The following COL1A2 variants were observed in gnomAD, a reference collection of about 807,000 sequenced individuals.
The protein encoded by COL1A2 is collagen alpha-2(I) chain.
A neutral mutation model predicts 174.3 loss-of-function variants in COL1A2; 49 were observed. The ratio of observed to expected loss-of-function variants is 0.28; its 90% CI spans 0.22 to 0.36. COL1A2 has a LOEUF of 0.36. Among genes scored for constraint, COL1A2 ranks in the 10% least tolerant of loss-of-function variants. COL1A2 has a pLI of 1.00. For synonymous variants in COL1A2, 655 were observed against 606.6 expected (o/e 1.08, Z -1.17); for missense variants, 1,438 against 1,822.7 (o/e 0.79, Z 3.84).
At position 94,404,740 on chromosome 7, in the gene COL1A2, T is replaced by G. The variant is rs530944722; in HGVS notation, c.372T>G (p.Gly124=). Reference sequence around the variant, plus strand: ...CTGCTGGTGAGCCTGGTGAACCTGGTCAAACTGTGAGTACATTTTTCCACC... The same window carrying G: ...CTGCTGGTGAGCCTGGTGAACCTGGGCAAACTGTGAGTACATTTTTCCACC... ...QGPAGEPGEP[G]QTGPAGARGP... The change falls in exon 8 of 52, where the codon GGT becomes GGG. Residue 124 remains glycine, a synonymous_variant. Transcript: ENST00000297268. 1.2e-6 allele frequency: 2 copies of G among 1,614,080 alleles called. No individual in the cohort carries two copies. Among genetic ancestry groups the G allele is most frequent in the Non-Finnish European group, 1.7e-6 (2 of 1,180,030 alleles).
chr7:94,407,343 C>CACTACTACTACTACTACT (rs139122565), intron 12 of COL1A2, among the ~76,000 whole-genome samples: 114 of 149,366 alleles, frequency 7.6e-4, no homozygotes, highest in African/African-American at 2.9e-3. Context: ...TATTAAATCC[C>CACTACTACTACTACTACT]ACTACTACTA....
At chr7:94,415,185 T>A (rs761396432) in intron 29 of COL1A2, 41 bp from the exon 30 acceptor site, 2 of 1,582,374 alleles carry the variant, frequency 1.3e-6, no homozygotes, top group Middle Eastern at 3.3e-4. Context: ...AATTTAGAGA[T>A]CACACACAGA....
intron 6 of COL1A2, among the ~76,000 whole-genome samples, chr7:94,401,885 G>A (rs192408229): frequency 7.9e-4 from 120 of 152,034 alleles, no homozygotes; most frequent in African/African-American, 2.8e-3. Context: ...ATATACTTAT[G>A]TCCAAGAAAT....
At position 94,401,544 on chromosome 7, in the gene COL1A2, A is replaced by AT. The variant is rs199593359; in HGVS notation, c.226-11dup. On this transcript the variant is annotated intron_variant, in intron 5 of 51. Coordinates refer to ENST00000297268, the MANE Select transcript of COL1A2 (RefSeq NM_000089.4). ...TAAAAATATTTTATATATATATATA[A>AT]TTTTTTTTTTTTACTTCTCTAGAAC... 0.068 allele frequency: 61,589 copies of AT among 903,284 alleles called. 3,043 individuals are homozygous for AT. Among genetic ancestry groups the AT allele is most frequent in the African/African-American group, 0.31 (17,786 of 56,970 alleles). 56.0% of individuals were successfully genotyped at this position (903,284 alleles called of 1,614,324 possible).
chr7:94,419,549 C>G lies in COL1A2; in HGVS notation c.2077C>G (p.Arg693Gly). 2 of 1,613,960 alleles carry G rather than the reference C, an allele frequency of 1.2e-6. No homozygotes were observed. Among genetic ancestry groups the G allele is most frequent in the East Asian group, 2.2e-5 (1 of 44,884 alleles). ...APGPAGATGD[R>G]GEAGAAGPAG... ...TGGTCCTGCTGGAGCCACAGGTGAC[C>G]GGGTAAGCATGCATTTTCACTAAGC... Residue 693 changes from arginine (R) to glycine (G), a missense_variant and splice_region_variant, in exon 34 of 52, where the codon CGG (arginine) becomes GGG (glycine). By Grantham distance (125) the Arg-to-Gly change is moderately radical. Transcript: ENST00000297268.
chr7:94,427,875 G>A lies in COL1A2; in HGVS notation c.3516G>A (p.Glu1172=). Residue 1172 remains glutamate (E), a synonymous_variant, in exon 49 of 52, where the codon GAG becomes GAA. Coordinates refer to ENST00000297268, the MANE Select transcript of COL1A2 (RefSeq NM_000089.4). ...GTGACTTGAGACTCAGCCACCCAGA[G>A]TGGAGCAGTGGTAGGTCAAGATGTC... ...TCRDLRLSHP[E]WSSGYYWIDP... The A allele has an allele frequency of 1.2e-6, 2 of 1,614,140 alleles. No individual in the cohort carries two copies. Among genetic ancestry groups the A allele is most frequent in the Non-Finnish European group, 1.7e-6 (2 of 1,180,022 alleles).
intron 6 of COL1A2, 30 bp downstream of exon 6, chr7:94,401,650 A>T: frequency 6.5e-7 from 1 of 1,531,532 alleles, no homozygotes; most frequent in Non-Finnish European, 9.0e-7. Context: ...TTAGCCAAAA[A>T]AATTGCTAAA....
chr7:94,397,784 T>G (rs1562896930), intron 2 of COL1A2, 26 bp downstream of exon 2: 2 of 1,267,644 alleles, frequency 1.6e-6, no homozygotes, highest in South Asian at 1.3e-5. Context: ...TTTAGAATTT[T>G]TAAAAATACT....
At chr7:94,398,794 A>G (rs1252023268) in intron 3 of COL1A2, among the ~76,000 whole-genome samples, 1 of 152,130 alleles carries the variant, frequency 6.6e-6, no homozygotes, top group Non-Finnish European at 1.5e-5. Context: ...CTTATTCAAA[A>G]TGCTATGCAT....
rs1363689462 is a variant in COL1A2, at chr7:94,399,070, C to A, written c.118C>A (p.Pro40Thr). ...GTAGGGCCCAGCCGGAGATAGAGGA[C>A]CACGTGGAGAAAGGGTGTGTAATTT... is the stretch of plus-strand genomic sequence containing the variant. Reference protein sequence around the residue: ...VRKGPAGDRGPRGERGPPGPP... With the variant: ...VRKGPAGDRGTRGERGPPGPP... The change falls in exon 4 of 52, where the codon CCA becomes ACA. Residue 40 changes from proline (P) to threonine (T), a missense_variant. By Grantham distance (38) the Pro-to-Thr change is conservative. Coordinates refer to ENST00000297268, the MANE Select transcript of COL1A2 (RefSeq NM_000089.4). 2.2e-5 allele frequency: 35 copies of A among 1,613,504 alleles called. No individual in the cohort carries two copies. Among genetic ancestry groups the A allele is most frequent in the Non-Finnish European group, 2.9e-5 (34 of 1,179,652 alleles).
intron 40 of COL1A2, 49 bp from the exon 41 acceptor site, chr7:94,424,287 T>C: frequency 6.6e-7 from 1 of 1,506,924 alleles, no homozygotes; most frequent in Non-Finnish European, 9.2e-7. Flanking sequence ...CAACCTGTGT[T>C]ATCACCTAGG....
Position 94,428,306 on chromosome 7 carries a change from T to C in COL1A2, c.3540T>C (p.Ile1180=). The C allele has an allele frequency of 6.2e-7, 1 of 1,613,752 alleles. No individual in the cohort carries two copies. The highest frequency in any genetic ancestry group is 8.5e-7 in the Non-Finnish European group (1 of 1,179,654). ...HPEWSSGYYW[I]DPNQGCTMDA... is the part of the protein sequence containing the mutation. ...TTTTCTTAAAAGGTTACTACTGGATTGACCCTAACCAAGGATGCACTATGG... is the reference window on the plus strand; with the variant it reads ...TTTTCTTAAAAGGTTACTACTGGATCGACCCTAACCAAGGATGCACTATGG... Residue 1180 remains isoleucine, a synonymous_variant, in exon 50 of 52, where the codon ATT becomes ATC. Transcript: ENST00000297268.
intron 19 of COL1A2, 106 bp from the exon 20 acceptor site, chr7:94,410,136 C>T (rs1048806216): frequency 7.0e-5 from 80 of 1,138,988 alleles, no homozygotes; most frequent in Non-Finnish European, 1.0e-4. Flanking sequence ...TCCTAGAGAA[C>T]TTGAGCTTCT....
In COL1A2 at chr7:94,414,221, G is replaced by T; in HGVS notation, c.1666-1G>T. 1 of 1,613,462 alleles carries T rather than the reference G, an allele frequency of 6.2e-7. No individual in the cohort carries two copies. Among genetic ancestry groups the T allele is most frequent in the South Asian group, 1.1e-5 (1 of 91,044 alleles). Reference sequence around the variant, plus strand: ...AGATTTGTATTTCTTTTCATTTTTAGGGTCTGCCTGGCCCCTCAGGTCCCG... The same window carrying T: ...AGATTTGTATTTCTTTTCATTTTTATGGTCTGCCTGGCCCCTCAGGTCCCG... On this transcript the variant is annotated splice_acceptor_variant, in intron 28 of 51. Coordinates refer to ENST00000297268, the MANE Select transcript of COL1A2 (RefSeq NM_000089.4). LOFTEE classifies it high-confidence loss of function.
At chr7:94,420,487 T>C (rs1562905197) in intron 36 of COL1A2, 43 bp downstream of exon 36, 1 of 1,614,006 alleles carries the variant, frequency 6.2e-7, no homozygotes, top group South Asian at 1.1e-5. Context: ...ACATCCTAAG[T>C]TGGGGAGTAG....
At chr7:94,427,549 A>G in intron 48 of COL1A2, 78 bp from the exon 49 acceptor site, 1 of 1,525,006 alleles carries the variant, frequency 6.6e-7, no homozygotes, top group Non-Finnish European at 9.1e-7. Context: ...GTGAAGCTCA[A>G]CTGAAAATCT....
Position 94,405,746 on chromosome 7 carries a change from A to T in COL1A2, c.540+20A>T. 1 of 1,604,040 alleles carries T rather than the reference A, an allele frequency of 6.2e-7. No homozygotes were observed. Among genetic ancestry groups the T allele is most frequent in the Non-Finnish European group, 8.5e-7 (1 of 1,170,828 alleles). ...ATTAGGGTGAGCACATTCTTTACTCAGAAGAGAGAAAATGCCTATTAATTT... is the reference window on the plus strand; with the variant it reads ...ATTAGGGTGAGCACATTCTTTACTCTGAAGAGAGAAAATGCCTATTAATTT... On this transcript the variant is annotated intron_variant, in intron 11 of 51. Transcript: ENST00000297268.
intron 1 of COL1A2, among the ~76,000 whole-genome samples, chr7:94,396,965 C>A (rs1484679091): frequency 1.3e-5 from 2 of 152,212 alleles, no homozygotes; most frequent in Admixed American, 6.5e-5. Context: ...GGACTTATAA[C>A]AATTATGGCA....
chr7:94,418,172 G>A (rs1792080710), intron 32 of COL1A2, among the ~76,000 whole-genome samples: 1 of 152,184 alleles, frequency 6.6e-6, no homozygotes, highest in African/African-American at 2.4e-5. Flanking sequence ...TGCCGTAAGA[G>A]TGATCAGGCG....
Sources: gnomAD v4.1 joint callset for allele counts (sites outside exome capture counted in the v4.1 genomes callset) on GRCh38, gnomAD v4.1.1 for gene constraint, MANE v1.5 for transcripts, NCBI Gene and HGNC (gene_info 2026-07-23, HGNC 2026-07-21) for gene names.